ASIC2: variants seen among roughly 807,000 people sequenced by gnomAD.
ASIC2 encodes the protein acid sensing ion channel subunit 2.
Under a neutral mutation model 57.3 loss-of-function variants are expected in ASIC2, and 25 were observed. That is an observed-to-expected ratio of 0.44 (90% CI 0.32 to 0.61). The LOEUF is 0.61. ASIC2 is among the 20% of genes least tolerant of loss of function. The probability of loss-of-function intolerance (pLI) is 0.06; values close to 1 mark genes in which losing one functional copy is unlikely to be tolerated. For synonymous variants in ASIC2, 319 were observed against 307.5 expected (o/e 1.04, Z -0.39); for missense variants, 641 against 738.1 (o/e 0.87, Z 1.52).
At chr17:33,102,461 G>T (rs1290295421) in intron 2 of ASIC2, among the ~76,000 whole-genome samples, 1 of 152,038 alleles carries the variant, frequency 6.6e-6, no homozygotes, top group Non-Finnish European at 1.5e-5. Flanking sequence ...CTGGTTTTTT[G>T]TTTTTGACGC....
chr17:34,122,889 G>A (rs889860348), intron 1 of ASIC2, among the ~76,000 whole-genome samples: 1 of 152,198 alleles, frequency 6.6e-6, no homozygotes, highest in Admixed American at 6.5e-5. Flanking sequence ...CTGCAACCAA[G>A]TCACTGGGAA....
chr17:33,442,045 A>G (rs368013067), intron 1 of ASIC2, among the ~76,000 whole-genome samples: 1 of 152,208 alleles, frequency 6.6e-6, no homozygotes, highest in South Asian at 2.1e-4. Context: ...TTCCCCCCCA[A>G]ATTGATTTAG....
At chr17:33,562,848 C>T (rs948275948) in intron 1 of ASIC2, among the ~76,000 whole-genome samples, 2 of 152,176 alleles carry the variant, frequency 1.3e-5, no homozygotes, top group South Asian at 4.1e-4. Context: ...CCTCTGATGA[C>T]ATGTGGATCC....
At position 33,853,693 on chromosome 17, in the gene ASIC2, T is replaced by C. The variant is rs1172930156; in HGVS notation, c.555+302285A>G. On this transcript the variant is annotated intron_variant, in intron 1 of 9. Transcript: ENST00000359872. Reference sequence around the variant, plus strand: ...ACCAACGTGGGAGGATAAGAAGAAATCTCTGGCTAAGTTCTCCAAGGGCAG... The same window carrying C: ...ACCAACGTGGGAGGATAAGAAGAAACCTCTGGCTAAGTTCTCCAAGGGCAG... 2.0e-5 allele frequency among the ~76,000 whole-genome samples: 3 copies of C among 152,118 alleles called. No individual in the cohort carries two copies. In the East Asian group the frequency reaches 5.8e-4, roughly 29 times the overall value.
chr17:33,739,793 G>GAAGA (rs532445105), intron 1 of ASIC2, among the ~76,000 whole-genome samples: 6 of 110,286 alleles, frequency 5.4e-5, no homozygotes, highest in South Asian at 2.8e-4. Context: ...ACAAAAGAAA[G>GAAGA]AAGAAAGAAA....
intron 1 of ASIC2, among the ~76,000 whole-genome samples, chr17:34,066,435 G>A (rs1909175186): frequency 6.6e-6 from 1 of 152,040 alleles, no homozygotes; most frequent in South Asian, 2.1e-4. Flanking sequence ...CAGCATCTAT[G>A]TTTTTTTAAT....
intron 1 of ASIC2, among the ~76,000 whole-genome samples, chr17:33,881,377 A>C (rs960662969): frequency 1.3e-5 from 2 of 152,222 alleles, no homozygotes; most frequent in East Asian, 1.9e-4. Flanking sequence ...GTCTCAGCCC[A>C]AAATCTCCTT....
At chr17:33,420,505 G>T (rs1192905953) in intron 1 of ASIC2, among the ~76,000 whole-genome samples, 3 of 152,152 alleles carry the variant, frequency 2.0e-5, no homozygotes, top group Admixed American at 2.0e-4. Context: ...AAAGCCATGT[G>T]GTGTCACCTT....
chr17:34,046,403 T>C (rs527960292), intron 1 of ASIC2, among the ~76,000 whole-genome samples: 1 of 152,202 alleles, frequency 6.6e-6, no homozygotes, highest in Non-Finnish European at 1.5e-5. Flanking sequence ...GGTTGTGCAA[T>C]AGTACTTGAG....
At position 33,464,477 on chromosome 17, in the gene ASIC2, TTTCTCTCTTTCTTTC is replaced by T. The variant is rs1205000969; in HGVS notation, c.556-352425_556-352411del. On this transcript the variant is annotated intron_variant, in intron 1 of 9. Coordinates refer to the ASIC2 transcript ENST00000359872. The stretch of plus-strand genomic sequence containing the variant: ...TTTTTCTCTTTCTTTCTTTCTTTCT[TTTCTCTCTTTCTTTC>T]TTTCTTTCTTTCTTTCTTTCTTTCT... Among the ~76,000 whole-genome samples, 114 of 107,762 alleles carry T rather than the reference TTTCTCTCTTTCTTTC, an allele frequency of 1.1e-3. 9 individuals carry two copies. Among genetic ancestry groups the T allele is most frequent in the African/African-American group, 1.7e-3 (44 of 25,746 alleles). 70.7% of individuals were successfully genotyped at this position (107,762 alleles called of 152,430 possible).
rs759417669 is a variant in ASIC2, at chr17:34,099,162, GAGAAAGAAAGAAAGAAAGAA to G, written c.555+56796_555+56815del. Among the ~76,000 whole-genome samples, 46 of 41,962 alleles carry G rather than the reference GAGAAAGAAAGAAAGAAAGAA, an allele frequency of 1.1e-3. 1 individual carries two copies. In the East Asian group the frequency reaches 0.015, roughly 14 times the overall value. 27.5% of individuals were successfully genotyped at this position (41,962 alleles called of 152,430 possible). Reference sequence around the variant, plus strand: ...AGAGAGAGACAGAGAGAGAGAGAGAGAGAAAGAAAGAAAGAAAGAAAGAAAGAAAGAAAGAAAGAAAGAAA... The same window carrying G: ...AGAGAGAGACAGAGAGAGAGAGAGAGAGAAAGAAAGAAAGAAAGAAAGAAA... On this transcript the variant is annotated intron_variant, in intron 1 of 9. Transcript: ENST00000359872.
intron 1 of ASIC2, among the ~76,000 whole-genome samples, chr17:34,073,149 C>A (rs1217336118): frequency 6.6e-6 from 1 of 152,086 alleles, no homozygotes; most frequent in Non-Finnish European, 1.5e-5. Context: ...TATAAAGAGT[C>A]ATATTGCAAA....
At position 33,383,028 on chromosome 17, in the gene ASIC2, A is replaced by AAAACAAACAAACAAACAAAC. The variant is rs60768735; in HGVS notation, c.556-270981_556-270962dup. ...CACAGAATGAGTTCAGGGAATATAA[A>AAAACAAACAAACAAACAAAC]AAACAAACAAACAAACAAACAAACA... is the stretch of plus-strand genomic sequence containing the variant. On this transcript the variant is annotated intron_variant, in intron 1 of 9. Transcript: ENST00000359872. 2.0e-3 allele frequency among the ~76,000 whole-genome samples: 295 copies of AAAACAAACAAACAAACAAAC among 150,770 alleles called. 2 individuals are homozygous for AAAACAAACAAACAAACAAAC. Among genetic ancestry groups the AAAACAAACAAACAAACAAAC allele is most frequent in the Middle Eastern group, 3.4e-3 (1 of 292 alleles).
At chr17:33,031,495 T>C (rs182395541) in intron 3 of ASIC2, among the ~76,000 whole-genome samples, 3 of 152,334 alleles carry the variant, frequency 2.0e-5, no homozygotes, top group Admixed American at 1.3e-4. Flanking sequence ...GATGTTTTTA[T>C]GATACTGGAC....
chr17:33,088,334 C>G (rs893482944), intron 3 of ASIC2, among the ~76,000 whole-genome samples: 2 of 152,210 alleles, frequency 1.3e-5, no homozygotes, highest in African/African-American at 4.8e-5. Flanking sequence ...CACCCACAGA[C>G]AGAATTGATG....
chr17:33,637,360 C>T (rs1468452702), intron 1 of ASIC2, among the ~76,000 whole-genome samples: 1 of 151,878 alleles, frequency 6.6e-6, no homozygotes, highest in East Asian at 1.9e-4. Context: ...TTACTCTGGG[C>T]ACCTCCAAGC....
intron 1 of ASIC2, among the ~76,000 whole-genome samples, chr17:33,241,497 C>T (rs927060276): frequency 3.9e-5 from 6 of 152,220 alleles, no homozygotes; most frequent in African/African-American, 1.4e-4. Flanking sequence ...CTGGCATTCA[C>T]TATTAGGTTA....
At chr17:34,084,404 A>C (rs1252416941) in intron 1 of ASIC2, among the ~76,000 whole-genome samples, 3 of 152,202 alleles carry the variant, frequency 2.0e-5, no homozygotes, top group Non-Finnish European at 2.9e-5. Context: ...ATTGATCTAT[A>C]TCTCTGTTTT....
intron 1 of ASIC2, among the ~76,000 whole-genome samples, chr17:33,410,855 G>C (rs1199359003): frequency 6.6e-6 from 1 of 152,224 alleles, no homozygotes; most frequent in Non-Finnish European, 1.5e-5. Context: ...CTCTGCAAGA[G>C]CAGATGTTTG....
Sources: allele counts gnomAD v4.1 joint callset (sites outside exome capture counted in the v4.1 genomes callset), GRCh38; gene constraint gnomAD v4.1.1; transcripts MANE v1.5; gene names NCBI Gene and HGNC (gene_info 2026-07-23, HGNC 2026-07-21).